Variants in FBXL17 observed in about 807,000 individuals in gnomAD.
FBXL17 encodes the protein F-box/LRR-repeat protein 17.
In FBXL17, 22 loss-of-function variants were observed where a neutral mutation model predicts 66.2. The ratio of observed to expected loss-of-function variants is 0.33; its 90% CI spans 0.24 to 0.47. FBXL17 has a LOEUF of 0.47. FBXL17 is among the 20% of genes least tolerant of loss of function. The pLI is 1.00. For missense variants in FBXL17, 878 were observed against 948.2 expected, an observed-to-expected ratio of 0.93 and a Z score of 0.97; for synonymous variants, 474 against 400.5, an observed-to-expected ratio of 1.18 and a Z score of -2.19.
intron 5 of FBXL17, among the ~76,000 whole-genome samples, chr5:108,210,616 C>T (rs1040846587): frequency 1.3e-5 from 2 of 152,078 alleles, no homozygotes; most frequent in African/African-American, 2.4e-5. Context: ...TGTAGTTGTG[C>T]GGTTTTGAGT....
At chr5:108,342,540 C>A (rs1264112242) in intron 4 of FBXL17, among the ~76,000 whole-genome samples, 1 of 152,128 alleles carries the variant, frequency 6.6e-6, no homozygotes, top group African/African-American at 2.4e-5. Context: ...GAGATAATGT[C>A]TTTTGGAAGT....
chr5:107,936,535 C>A (rs1383743238), intron 7 of FBXL17, among the ~76,000 whole-genome samples: 1 of 62,978 alleles, frequency 1.6e-5, no homozygotes, highest in Non-Finnish European at 3.4e-5. Flanking sequence ...CACCTTCTAC[C>A]TTGGCAGATT....
At chr5:107,899,156 G>A (rs1039621542) in intron 7 of FBXL17, among the ~76,000 whole-genome samples, 7 of 152,030 alleles carry the variant, frequency 4.6e-5, no homozygotes, top group Admixed American at 2.0e-4. Context: ...TTTAATGATC[G>A]CCATTCTAAC....
At chr5:107,963,792 A>G (rs1752012438) in intron 7 of FBXL17, among the ~76,000 whole-genome samples, 1 of 152,178 alleles carries the variant, frequency 6.6e-6, no homozygotes, top group African/African-American at 2.4e-5. Context: ...TCTCTGTGTC[A>G]GACTCAAACT....
At chr5:108,181,699 G>T (rs1275465613) in intron 6 of FBXL17, among the ~76,000 whole-genome samples, 1 of 151,984 alleles carries the variant, frequency 6.6e-6, no homozygotes, top group Non-Finnish European at 1.5e-5. Context: ...CAACATTCAG[G>T]ATAAATCTTT....
At chr5:107,905,836 T>C (rs1749737350) in intron 7 of FBXL17, among the ~76,000 whole-genome samples, 1 of 152,188 alleles carries the variant, frequency 6.6e-6, no homozygotes, top group African/African-American at 2.4e-5. Context: ...TGTTTCACAT[T>C]TTCTCTGGGC....
rs1438422103 is a variant in FBXL17, at chr5:108,381,717, G to A, written c.-26C>T. 2 of 1,420,098 alleles carry A rather than the reference G, an allele frequency of 1.4e-6. No individual in the cohort carries two copies. The highest frequency in any genetic ancestry group is 6.0e-5 in the East Asian group (2 of 33,172). The allele number at this position is 1,420,098 out of a possible 1,614,324, so 88.0% of individuals were successfully genotyped here. On this transcript the variant is annotated 5_prime_UTR_variant, in exon 1 of 9. Coordinates refer to ENST00000542267, the MANE Select transcript of FBXL17 (RefSeq NM_001163315.3). ...ATAGAAGGCCCCGAGGAGGGGGACCGGGACGGGAGGGAGGGAGACCCAGAG... is the reference window on the plus strand; with the variant it reads ...ATAGAAGGCCCCGAGGAGGGGGACCAGGACGGGAGGGAGGGAGACCCAGAG...
At chr5:108,221,479 A>G (rs1304506990) in intron 5 of FBXL17, among the ~76,000 whole-genome samples, 4 of 152,184 alleles carry the variant, frequency 2.6e-5, no homozygotes, top group Non-Finnish European at 5.9e-5. Flanking sequence ...ACATAATTTC[A>G]AAGACAGGAA....
At position 108,262,085 on chromosome 5, in the gene FBXL17, TA is replaced by T. The variant is rs60573414; in HGVS notation, c.1507-37858del. On this transcript the variant is annotated intron_variant, in intron 4 of 8. Coordinates refer to ENST00000542267, the MANE Select transcript of FBXL17 (RefSeq NM_001163315.3). Reference sequence around the variant, plus strand: ...TTATTTATTTATTTATTTATTTATTTATTTTTTTTGAGACAGAGTCTCGCTC... The same window carrying T: ...TTATTTATTTATTTATTTATTTATTTTTTTTTTTGAGACAGAGTCTCGCTC... Among the ~76,000 whole-genome samples the T allele has an allele frequency of 1.8e-3, 253 of 143,906 alleles. 3 individuals carry two copies. Among genetic ancestry groups the T allele is most frequent in the East Asian group, 7.6e-3 (38 of 5,000 alleles). The allele number at this position is 143,906 out of a possible 152,430, so 94.4% of individuals were successfully genotyped here.
At chr5:108,286,742 T>G (rs1459012025) in intron 4 of FBXL17, among the ~76,000 whole-genome samples, 2 of 152,064 alleles carry the variant, frequency 1.3e-5, no homozygotes, top group Non-Finnish European at 2.9e-5. Context: ...GCTATTCCTA[T>G]CAAACTACCA....
chr5:108,258,657 G>C (rs6870480), intron 4 of FBXL17, among the ~76,000 whole-genome samples: 35,879 of 151,816 alleles, frequency 0.24, 5,410 homozygotes, highest in African/African-American at 0.44. Flanking sequence ...CTCTTATTAG[G>C]TAGATGCCCA....
At chr5:108,050,199 G>T (rs963811150) in intron 6 of FBXL17, among the ~76,000 whole-genome samples, 1 of 152,162 alleles carries the variant, frequency 6.6e-6, no homozygotes, top group African/African-American at 2.4e-5. Context: ...AATTAACAAG[G>T]ATATTCGGGA....
chr5:107,906,340 TA>T (rs1166260092), intron 7 of FBXL17, among the ~76,000 whole-genome samples: 21 of 152,052 alleles, frequency 1.4e-4, no homozygotes, highest in African/African-American at 4.8e-4. Context: ...TAAATATAAG[TA>T]AAATAAGAGG....
chr5:108,266,449 C>G (rs916028322), intron 4 of FBXL17, among the ~76,000 whole-genome samples: 1 of 152,118 alleles, frequency 6.6e-6, no homozygotes, highest in Non-Finnish European at 1.5e-5. Flanking sequence ...GTCGACACTA[C>G]ACACCCTTAG....
At chr5:108,204,751 T>C (rs1178005880) in intron 5 of FBXL17, among the ~76,000 whole-genome samples, 1 of 152,188 alleles carries the variant, frequency 6.6e-6, no homozygotes, top group Non-Finnish European at 1.5e-5. Flanking sequence ...TAATATTGAA[T>C]AGTACAATTT....
At chr5:107,978,217 A>G (rs759686577) in intron 7 of FBXL17, among the ~76,000 whole-genome samples, 4 of 152,182 alleles carry the variant, frequency 2.6e-5, no homozygotes, top group Admixed American at 6.5e-5. Context: ...CTAGCCACAC[A>G]CGCTGGCTGC....
chr5:108,374,545 G>A (rs956597590), intron 1 of FBXL17, among the ~76,000 whole-genome samples: 2 of 152,020 alleles, frequency 1.3e-5, no homozygotes, highest in African/African-American at 4.8e-5. Context: ...GTGGTGGCAT[G>A]TGCACCTTTA....
chr5:108,293,809 G>A (rs1036984316), intron 4 of FBXL17, among the ~76,000 whole-genome samples: 1 of 151,896 alleles, frequency 6.6e-6, no homozygotes. Flanking sequence ...GGGAGGCCGA[G>A]GTGGGTTGAT....
chr5:108,173,271 A>G (rs1442245578), intron 6 of FBXL17, among the ~76,000 whole-genome samples: 1 of 152,172 alleles, frequency 6.6e-6, no homozygotes, highest in East Asian at 1.9e-4. Flanking sequence ...TGGGGGAGGG[A>G]TAGCTTTAGG....
Sources: allele counts gnomAD v4.1 joint callset (sites outside exome capture counted in the v4.1 genomes callset), GRCh38; gene constraint gnomAD v4.1.1; transcripts MANE v1.5; gene names NCBI Gene and HGNC (gene_info 2026-07-23, HGNC 2026-07-21).